The following R3HDM2 variants were observed in gnomAD, a reference collection of about 807,000 sequenced individuals.
R3HDM2 encodes R3H domain-containing protein 2.
Under a neutral mutation model 124.5 loss-of-function variants are expected in R3HDM2, and 38 were observed. The ratio of observed to expected loss-of-function variants is 0.31; its 90% CI spans 0.24 to 0.40. R3HDM2 has a LOEUF of 0.40. Among genes scored for constraint, R3HDM2 ranks in the 10% least tolerant of loss-of-function variants. The pLI is 1.00. For synonymous variants in R3HDM2, 391 were observed against 448.0 expected (o/e 0.87, Z 1.61); for missense variants, 869 against 1,236.9 (o/e 0.70, Z 4.46).
intron 1 of R3HDM2, among the ~76,000 whole-genome samples, chr12:57,429,569 C>T (rs920439209): frequency 2.6e-5 from 4 of 152,064 alleles, no homozygotes; most frequent in African/African-American, 7.2e-5. Flanking sequence ...AAAAATCAGC[C>T]AGGAGTGGTG....
chr12:57,423,782 G>C, intron 1 of R3HDM2, among the ~76,000 whole-genome samples: 1 of 138,176 alleles, frequency 7.2e-6, no homozygotes, highest in Non-Finnish European at 1.5e-5. Flanking sequence ...ACTCCAGCCT[G>C]GGCAACAGAG....
chr12:57,340,565 A>G lies in R3HDM2; in HGVS notation c.-35-30102T>C, dbSNP rs1339817855. On this transcript the variant is annotated intron_variant, in intron 2 of 23. Transcript: ENST00000402412. ...TCTGAAACATTTATGGCTGTAATAA[A>G]TATTAATATAATTGAACTATCATAG... 2.0e-5 allele frequency among the ~76,000 whole-genome samples: 3 copies of G among 152,212 alleles called. No individual in the cohort carries two copies. The East Asian group carries it at 5.8e-4, about 29-fold the overall frequency.
intron 2 of R3HDM2, among the ~76,000 whole-genome samples, chr12:57,366,006 C>G (rs2062600176): frequency 6.6e-6 from 1 of 151,968 alleles, no homozygotes; most frequent in Non-Finnish European, 1.5e-5. Flanking sequence ...TGTGGGATTA[C>G]AGTTTTCACT....
At chr12:57,397,589 T>C (rs1347088598) in intron 1 of R3HDM2, among the ~76,000 whole-genome samples, 7 of 152,152 alleles carry the variant, frequency 4.6e-5, no homozygotes, top group Non-Finnish European at 1.5e-5. Flanking sequence ...TGCGAAGGAA[T>C]GGCCAGAGGA....
intron 2 of R3HDM2, among the ~76,000 whole-genome samples, chr12:57,384,210 C>T (rs560985360): frequency 2.0e-5 from 3 of 151,888 alleles, no homozygotes; most frequent in South Asian, 4.2e-4. Flanking sequence ...AAAAATTAGC[C>T]GGGCACGGTG....
rs1461026352 is a variant in R3HDM2, at chr12:57,256,617, A to T, written c.2450-106T>A. 7 of 768,612 alleles carry T rather than the reference A, an allele frequency of 9.1e-6. No individual in the cohort carries two copies. In the East Asian group the frequency reaches 1.7e-4, roughly 19 times the overall value. The allele number at this position is 768,612 out of a possible 1,614,324, so 47.6% of individuals were successfully genotyped here. A position where few individuals can be genotyped will look rare whatever the true frequency, so the allele number is the denominator to read the frequency against. On this transcript the variant is annotated intron_variant, in intron 21 of 23. Coordinates refer to ENST00000402412, the MANE Select transcript of R3HDM2 (RefSeq NM_001394031.1). ...ACAGCAACAATGCATACTATTCCTA[A>T]TTTTCTATGATGGAAATGCCCATGC...
chr12:57,343,048 G>A (rs946351046), intron 2 of R3HDM2, among the ~76,000 whole-genome samples: 2 of 152,130 alleles, frequency 1.3e-5, no homozygotes, highest in Non-Finnish European at 2.9e-5. Flanking sequence ...TGGTAATGGA[G>A]AGTGTAAGTA....
chr12:57,256,391 C>G (rs767698762), intron 22 of R3HDM2, 23 bp downstream of exon 22: 3 of 1,515,098 alleles, frequency 2.0e-6, no homozygotes, highest in Non-Finnish European at 2.7e-6. Flanking sequence ...GATGGCCCTA[C>G]AGTTGCTGGT....
At chr12:57,337,041 C>T (rs375878062) in intron 2 of R3HDM2, among the ~76,000 whole-genome samples, 3 of 152,152 alleles carry the variant, frequency 2.0e-5, no homozygotes, top group African/African-American at 4.8e-5. Flanking sequence ...AGCAGACTAA[C>T]GTGAGAAGCA....
At chr12:57,298,046 C>T (rs931857139) in intron 7 of R3HDM2, 44 bp downstream of exon 7, 1 of 1,420,462 alleles carries the variant, frequency 7.0e-7, no homozygotes, top group Non-Finnish European at 9.7e-7. Flanking sequence ...TGGAATCTTG[C>T]TATCCCCTAA....
intron 14 of R3HDM2, among the ~76,000 whole-genome samples, chr12:57,277,233 A>C (rs2045040900): frequency 1.3e-5 from 2 of 152,036 alleles, no homozygotes; most frequent in South Asian, 4.2e-4. Context: ...CTTCATTTTA[A>C]GTAAATTGGG....
At chr12:57,396,318 G>A (rs914965877) in intron 1 of R3HDM2, among the ~76,000 whole-genome samples, 2 of 152,012 alleles carry the variant, frequency 1.3e-5, no homozygotes, top group African/African-American at 4.8e-5. Flanking sequence ...GCATGTGCCT[G>A]TAATCCTAGC....
intron 1 of R3HDM2, among the ~76,000 whole-genome samples, chr12:57,405,597 G>A (rs890653549): frequency 1.3e-5 from 2 of 152,170 alleles, no homozygotes; most frequent in East Asian, 1.9e-4. Flanking sequence ...TCACACCACT[G>A]CACTACAGCC....
intron 2 of R3HDM2, among the ~76,000 whole-genome samples, chr12:57,352,500 T>TC (rs1293358649): frequency 6.6e-6 from 1 of 151,140 alleles, no homozygotes; most frequent in African/African-American, 2.4e-5. Context: ...CGCTTTTTTT[T>TC]TTTTTTTTTT....
At chr12:57,412,995 C>CA (rs1033385956) in intron 1 of R3HDM2, among the ~76,000 whole-genome samples, 9 of 150,828 alleles carry the variant, frequency 6.0e-5, no homozygotes, top group East Asian at 1.9e-4. Context: ...ACTAAAAATA[C>CA]AAAAAAAAAT....
At chr12:57,410,221 A>G (rs2068882691) in intron 1 of R3HDM2, among the ~76,000 whole-genome samples, 1 of 151,774 alleles carries the variant, frequency 6.6e-6, no homozygotes, top group South Asian at 2.1e-4. Flanking sequence ...ATTACTCAAC[A>G]TAACCATTCC....
chr12:57,388,436 C>T (rs1034936662), intron 2 of R3HDM2, among the ~76,000 whole-genome samples: 2 of 152,134 alleles, frequency 1.3e-5, no homozygotes, highest in Admixed American at 1.3e-4. Context: ...AAGCAAACGA[C>T]AAGTCAGCAA....
At chr12:57,364,960 A>AAAG in intron 2 of R3HDM2, among the ~76,000 whole-genome samples, 1 of 138,922 alleles carries the variant, frequency 7.2e-6, no homozygotes, top group Admixed American at 7.3e-5. Context: ...CTCAAAAAAA[A>AAAG]AAAAAAAAAA....
chr12:57,345,177 A>G (rs2059971867), intron 2 of R3HDM2, among the ~76,000 whole-genome samples: 1 of 152,150 alleles, frequency 6.6e-6, no homozygotes, highest in African/African-American at 2.4e-5. Flanking sequence ...CAGATCATCA[A>G]GGACCTGAGG....
Sources: gnomAD v4.1 joint callset for allele counts (sites outside exome capture counted in the v4.1 genomes callset) on GRCh38, gnomAD v4.1.1 for gene constraint, MANE v1.5 for transcripts, NCBI Gene and HGNC (gene_info 2026-07-23, HGNC 2026-07-21) for gene names.